The following PLCG2 variants were observed in gnomAD, a reference collection of about 807,000 sequenced individuals.
The protein encoded by PLCG2 is phospholipase C gamma 2.
In PLCG2, 69 loss-of-function variants were observed where a neutral mutation model predicts 175.6. The ratio of observed to expected loss-of-function variants is 0.39; its 90% CI spans 0.32 to 0.48. PLCG2 has a LOEUF of 0.48. Ranked by LOEUF, PLCG2 falls within the 20% of genes least tolerant of loss-of-function variation. The pLI, the probability that PLCG2 is intolerant of heterozygous loss-of-function variation, is 0.91. For synonymous variants in PLCG2, 827 were observed against 624.0 expected, an observed-to-expected ratio of 1.33 and a Z score of -4.85; for missense variants, 1,798 against 1,650.9, an observed-to-expected ratio of 1.09 and a Z score of -1.54.
At chr16:81,911,349 A>G (rs1284360717) in intron 18 of PLCG2, among the ~76,000 whole-genome samples, 1 of 152,038 alleles carries the variant, frequency 6.6e-6, no homozygotes, top group Non-Finnish European at 1.5e-5. Flanking sequence ...TCCTGCTGTG[A>G]TCTCCGTCTT....
chr16:81,758,957 C>T (rs975640103), intron 2 of PLCG2, among the ~76,000 whole-genome samples: 32 of 152,202 alleles, frequency 2.1e-4, no homozygotes, highest in Non-Finnish European at 3.7e-4. Context: ...AGATTACAGG[C>T]GTGAGCCACC....
In PLCG2 at chr16:81,870,649, A is replaced by C. The variant is rs1024633790; in HGVS notation, c.565-203A>C. On this transcript the variant is annotated intron_variant, in intron 6 of 32. Coordinates refer to ENST00000564138, the MANE Select transcript of PLCG2 (RefSeq NM_002661.5). ...AGGAATATGAATTTGATTTTAGCCAATGTTGTAGAAAAGCCATGTTAAATA... is the reference window on the plus strand; with the variant it reads ...AGGAATATGAATTTGATTTTAGCCACTGTTGTAGAAAAGCCATGTTAAATA... Among the ~76,000 whole-genome samples the C allele has an allele frequency of 5.9e-5, 9 of 152,294 alleles. No homozygotes were observed. The East Asian group carries it at 1.4e-3, about 23-fold the overall frequency.
chr16:81,808,172 G>A (rs1203844897), intron 2 of PLCG2, among the ~76,000 whole-genome samples: 1 of 152,182 alleles, frequency 6.6e-6, no homozygotes, highest in Non-Finnish European at 1.5e-5. Flanking sequence ...GGAATTGCTG[G>A]GCCATGCAGT....
chr16:81,827,605 G>T (rs978791709), intron 2 of PLCG2, among the ~76,000 whole-genome samples: 1 of 152,100 alleles, frequency 6.6e-6, no homozygotes, highest in Non-Finnish European at 1.5e-5. Context: ...GTATCTAGGG[G>T]ACAAATGACA....
intron 5 of PLCG2, among the ~76,000 whole-genome samples, chr16:81,864,399 G>C (rs576061813): frequency 6.6e-6 from 1 of 152,328 alleles, no homozygotes; most frequent in South Asian, 2.1e-4. Context: ...CAGGGGCTCA[G>C]CAGCCCCGTG....
intron 1 of PLCG2, 138 bp downstream of exon 1, chr16:81,779,562 C>T (rs1470275964): frequency 1.3e-5 from 2 of 151,956 alleles, no homozygotes; most frequent in East Asian, 3.9e-4. Flanking sequence ...GGCGCACCCT[C>T]GGGGACCCCG....
intron 2 of PLCG2, among the ~76,000 whole-genome samples, chr16:81,797,845 T>C (rs1349012634): frequency 3.9e-5 from 6 of 152,006 alleles, no homozygotes; most frequent in Admixed American, 2.6e-4. Flanking sequence ...GTCTTTTTTT[T>C]TTTTGAGATG....
Position 81,931,565 on chromosome 16 carries a change from C to G in PLCG2, c.2650C>G (p.Pro884Ala). 2 of 1,614,016 alleles carry G rather than the reference C, an allele frequency of 1.2e-6. No homozygotes were observed. The highest frequency in any genetic ancestry group is 8.5e-7 in the Non-Finnish European group (1 of 1,179,944). ...FILEPKQQGD[P>A]PVEFATDRVE... ...CCTGGAGCCCAAGCAGCAGGGCGAT[C>G]CTCCGGTGGAGTTTGCCACAGACAG... Residue 884 changes from proline to alanine, a missense_variant, in exon 25 of 33, where the codon CCT becomes GCT. Physicochemically the swap from Pro to Ala is conservative, Grantham distance 27. Transcript: ENST00000564138.
chr16:81,861,564 C>T (rs1906982143), intron 5 of PLCG2, among the ~76,000 whole-genome samples: 1 of 152,264 alleles, frequency 6.6e-6, no homozygotes, highest in African/African-American at 2.4e-5. Flanking sequence ...CCTGCTCCGC[C>T]ACGCTGGGCC....
intron 5 of PLCG2, among the ~76,000 whole-genome samples, chr16:81,864,281 T>C (rs992438223): frequency 1.3e-5 from 2 of 152,212 alleles, no homozygotes; most frequent in African/African-American, 4.8e-5. Flanking sequence ...AGCAGAACTC[T>C]GGGGCTGCGC....
Position 81,960,333 on chromosome 16 carries a change from C to G in PLCG2, c.*2335C>G, listed in dbSNP as rs931937182. ...TGCTTCCTACATGACTGTTAAAGCACAGCCAATCCAGGCCAAGAAGACTAG... is the reference window on the plus strand; with the variant it reads ...TGCTTCCTACATGACTGTTAAAGCAGAGCCAATCCAGGCCAAGAAGACTAG... On this transcript the variant is annotated 3_prime_UTR_variant, in exon 33 of 33. Coordinates refer to ENST00000564138, the MANE Select transcript of PLCG2 (RefSeq NM_002661.5). 5.5e-5 allele frequency: 12 copies of G among 219,472 alleles called. No homozygotes were observed. The highest frequency in any genetic ancestry group is 1.7e-4 in the Admixed American group (3 of 17,270). 13.6% of individuals were successfully genotyped at this position (219,472 alleles called of 1,614,324 possible).
chr16:81,787,762 G>A (rs1028148732), intron 2 of PLCG2, among the ~76,000 whole-genome samples: 4 of 151,854 alleles, frequency 2.6e-5, no homozygotes, highest in East Asian at 1.9e-4. Context: ...GTAAGCAACC[G>A]TTAAATTTAA....
At chr16:81,916,937 C>T (rs1413339899) in intron 19 of PLCG2, among the ~76,000 whole-genome samples, 2 of 152,166 alleles carry the variant, frequency 1.3e-5, no homozygotes, top group African/African-American at 4.8e-5. Context: ...CACGCCCGGC[C>T]AGGACTTTGT....
chr16:81,841,702 C>T (rs964824144), intron 2 of PLCG2, among the ~76,000 whole-genome samples: 2 of 152,176 alleles, frequency 1.3e-5, no homozygotes, highest in South Asian at 2.1e-4. Context: ...CTGCTAGATC[C>T]TTCTAGAGCT....
intron 25 of PLCG2, among the ~76,000 whole-genome samples, chr16:81,932,147 GCTGTCCTA>G (rs1255943841): frequency 6.6e-6 from 1 of 152,058 alleles, no homozygotes; most frequent in Non-Finnish European, 1.5e-5. Context: ...CCTTTTCAGG[GCTGTCCTA>G]CCTGAAGTAC....
rs375713675 is a variant in PLCG2 at position 81,912,725 on chromosome 16, G to C, written c.2054+9G>C. On this transcript the variant is annotated intron_variant, in intron 19 of 32. Coordinates refer to ENST00000564138, the MANE Select transcript of PLCG2 (RefSeq NM_002661.5). ...TATGCCATCACCTTCAGGTGGGTGC[G>C]AGGGTGGGAGGCACATGCTCTACAG... The C allele has an allele frequency of 6.3e-7, 1 of 1,589,140 alleles. No individual in the cohort carries two copies. The highest frequency in any genetic ancestry group is 8.6e-7 in the Non-Finnish European group (1 of 1,168,204).
At chr16:81,778,775 T>C (rs1191604493), upstream of PLCG2, among the ~76,000 whole-genome samples, 1 of 152,124 alleles carries the variant, frequency 6.6e-6, no homozygotes, top group Non-Finnish European at 1.5e-5. Context: ...GAATTGGCAA[T>C]TCCTGGCGGG....
chr16:81,899,622 T>G (rs35459651), intron 13 of PLCG2, among the ~76,000 whole-genome samples: 1 of 151,960 alleles, frequency 6.6e-6, no homozygotes, highest in Non-Finnish European at 1.5e-5. Context: ...TTGACTGCCA[T>G]GTTTTTCCTG....
exon 1 of PLCG2, chr16:81,739,223 T>C (rs1038734998): frequency 2.6e-5 from 4 of 151,882 alleles, no homozygotes; most frequent in Non-Finnish European, 5.9e-5. Context: ...CCTGGGGTAT[T>C]AGTTCACCCC....
Sources: gnomAD v4.1 joint callset for allele counts (sites outside exome capture counted in the v4.1 genomes callset) on GRCh38, gnomAD v4.1.1 for gene constraint, MANE v1.5 for transcripts, NCBI Gene and HGNC (gene_info 2026-07-23, HGNC 2026-07-21) for gene names.